Variants in CHIT1 observed in about 807,000 individuals in gnomAD.
The protein encoded by CHIT1 is chitinase 1.
In CHIT1, 47 loss-of-function variants were observed where a neutral mutation model predicts 52.0. That is an observed-to-expected ratio of 0.90 (90% CI 0.71 to 1.15). The LOEUF (loss-of-function observed/expected upper bound fraction) is 1.15. Among genes scored for constraint, CHIT1 ranks in the 50% most tolerant of loss-of-function variants. The pLI, the probability that CHIT1 is intolerant of heterozygous loss-of-function variation, is 0.00. For synonymous variants in CHIT1, 242 were observed against 228.2 expected (o/e 1.06, Z -0.54); for missense variants, 569 against 583.0 (o/e 0.98, Z 0.25).
At chr1:203,224,975 AG>A in intron 4 of CHIT1, 72 bp downstream of exon 4, 2 of 1,385,588 alleles carry the variant, frequency 1.4e-6, no homozygotes, top group South Asian at 2.3e-5. Flanking sequence ...TTCCCTGACC[AG>A]GGCTCCCTCT....
intron 2 of CHIT1, 51 bp from the exon 3 acceptor site, chr1:203,225,921 G>C: frequency 6.3e-7 from 1 of 1,590,802 alleles, no homozygotes; most frequent in South Asian, 1.1e-5. Context: ...GACCTTCTGG[G>C]GACTGGTCAC....
At chr1:203,218,088 T>TA (rs1368878055) in intron 9 of CHIT1, 1 of 1,500,080 alleles carries the variant, frequency 6.7e-7, no homozygotes, top group South Asian at 1.2e-5. Context: ...AACGTAAGCA[T>TA]GACCTGGGGT....
chr1:203,219,491 A>T, intron 8 of CHIT1, 162 bp from the exon 9 acceptor site: 1 of 930,200 alleles, frequency 1.1e-6, no homozygotes, highest in African/African-American at 1.6e-5. Context: ...ACTCAGCTTG[A>T]GGCACCTGGG....
chr1:203,223,785 G>C, intron 4 of CHIT1, 125 bp from the exon 5 acceptor site: 1 of 987,774 alleles, frequency 1.0e-6, no homozygotes, highest in East Asian at 2.4e-5. Context: ...AGGGGCACTG[G>C]GAGGGCTGCT....
In CHIT1 at chr1:203,219,918, T is replaced by A. The variant is rs1656673154; in HGVS notation, c.730-69A>T. 3.8e-6 allele frequency: 6 copies of A among 1,571,340 alleles called. No homozygotes were observed. In the Admixed American group the frequency reaches 1.1e-4, roughly 28 times the overall value. ...GTTCTGATTATCTAAGTCTGGGGGA[T>A]CCAGAGGCAGAGCTAGGAGGGCAGG... is the stretch of plus-strand genomic sequence containing the variant. On this transcript the variant is annotated intron_variant, in intron 7 of 10. Coordinates refer to ENST00000367229, the MANE Select transcript of CHIT1 (RefSeq NM_003465.3).
At chr1:203,219,623 C>T (rs768916917) in intron 8 of CHIT1, 41 bp downstream of exon 8, 4 of 1,609,456 alleles carry the variant, frequency 2.5e-6, no homozygotes, top group Non-Finnish European at 3.4e-6. Context: ...CAGGCACCCC[C>T]TGACCCTCAC....
At position 203,216,088 on chromosome 1, in the gene CHIT1, G is replaced by T. The variant is rs1314800032; in HGVS notation, c.*801C>A. ...AGCCCAAAGCAGCCAGGAATGTTGG[G>T]ATGACTTTATTTAACCAGGACACCG... On this transcript the variant is annotated 3_prime_UTR_variant, in exon 11 of 11. Coordinates refer to ENST00000367229, the MANE Select transcript of CHIT1 (RefSeq NM_003465.3). 2.2e-6 allele frequency: 1 copy of T among 453,442 alleles called. No individual in the cohort carries two copies. The highest frequency in any genetic ancestry group is 1.6e-5 in the South Asian group (1 of 64,472). 28.1% of individuals were successfully genotyped at this position (453,442 alleles called of 1,614,324 possible).
chr1:203,228,665 T>G (rs1250778222), intron 1 of CHIT1, 103 bp from the exon 2 acceptor site: 2 of 1,310,630 alleles, frequency 1.5e-6, no homozygotes, highest in Non-Finnish European at 2.2e-6. Flanking sequence ...AGGGCTGATT[T>G]CATACAAATC....
intron 2 of CHIT1, among the ~76,000 whole-genome samples, chr1:203,228,116 A>G (rs1169945378): frequency 6.6e-6 from 1 of 152,194 alleles, no homozygotes; most frequent in Non-Finnish European, 1.5e-5. Flanking sequence ...GGGGCTGGGG[A>G]TGCTGAACCA....
intron 10 of CHIT1, 175 bp from the exon 11 acceptor site, chr1:203,217,308 C>G: frequency 6.5e-7 from 1 of 1,536,568 alleles, no homozygotes. Context: ...ATACCTACAG[C>G]TGAAGCACAG....
chr1:203,219,376 C>T, intron 8 of CHIT1, 47 bp from the exon 9 acceptor site: 1 of 1,109,868 alleles, frequency 9.0e-7, no homozygotes, highest in East Asian at 2.3e-5. Context: ...GAGGCTCTTG[C>T]AGGCACCTTC....
chr1:203,225,174 A>G, intron 3 of CHIT1, 70 bp from the exon 4 acceptor site: 1 of 1,453,744 alleles, frequency 6.9e-7, no homozygotes, highest in Non-Finnish European at 9.6e-7. Context: ...GGGATGTTAC[A>G]GTGGGGAGGA....
At position 203,223,250 on chromosome 1, in the gene CHIT1, T is replaced by C. The variant is rs1387087491; in HGVS notation, c.490A>G (p.Asn164Asp). 1 of 1,614,176 alleles carries C rather than the reference T, an allele frequency of 6.2e-7. No individual in the cohort carries two copies. Among genetic ancestry groups the C allele is most frequent in the Admixed American group, 1.7e-5 (1 of 60,038 alleles). The change falls in exon 6 of 11, where the codon AAT (asparagine) becomes GAT (aspartate). Residue 164 changes from asparagine (N) to aspartate (D), a missense_variant. Asn to Asp is a conservative substitution (Grantham distance 23). Transcript: ENST00000367229. ...GTCTGGGCTTCCTGCTGGAAGGCAT[T>C]GGCCAAGTCCTGTGGGAGTGGAGCT... ...RFTTLVQDLA[N>D]AFQQEAQTSG... is the part of the protein sequence containing the mutation.
intron 2 of CHIT1, 130 bp downstream of exon 2, chr1:203,228,403 G>T (rs939346774): frequency 2.0e-6 from 2 of 986,198 alleles, no homozygotes; most frequent in African/African-American, 3.2e-5. Flanking sequence ...CATTTGCAGG[G>T]GTCTGAGCTT....
rs180924405 is a variant in CHIT1, at chr1:203,225,417, A to G, written c.257+252T>C. ...AATTTCATAATGAGGAAGGGGCTTC[A>G]TGGGAGACAGAAAGAGTCTCACAAT... On this transcript the variant is annotated intron_variant, in intron 3 of 10. Transcript: ENST00000367229. Among the ~76,000 whole-genome samples the G allele has an allele frequency of 1.1e-3, 136 of 125,264 alleles. 1 individual carries two copies. Among genetic ancestry groups the G allele is most frequent in the African/African-American group, 3.4e-3 (135 of 39,762 alleles). 82.2% of individuals were successfully genotyped at this position (125,264 alleles called of 152,430 possible). A position where few individuals can be genotyped will look rare whatever the true frequency, so the allele number is the denominator to read the frequency against.
intron 6 of CHIT1, among the ~76,000 whole-genome samples, chr1:203,222,916 C>A (rs1233821315): frequency 6.6e-6 from 1 of 152,178 alleles, no homozygotes; most frequent in Non-Finnish European, 1.5e-5. Context: ...GGATCTGGAA[C>A]AGGGCAGCAG....
chr1:203,223,084 G>C, intron 6 of CHIT1, 51 bp downstream of exon 6: 7 of 1,611,228 alleles, frequency 4.3e-6, no homozygotes, highest in Non-Finnish European at 5.1e-6. Flanking sequence ...TCTGCCCTTG[G>C]CCTCTCTTCC....
At position 203,216,423 on chromosome 1, in the gene CHIT1, G is replaced by T. The variant is rs1161039972; in HGVS notation, c.*466C>A. ...GGGAATAACACGTGCGTGAAGGTCC[G>T]CAGAAGCTCCTGTTTCCAGGCTTCT... On this transcript the variant is annotated 3_prime_UTR_variant, in exon 11 of 11. Coordinates refer to ENST00000367229, the MANE Select transcript of CHIT1 (RefSeq NM_003465.3). 2.2e-6 allele frequency: 1 copy of T among 454,558 alleles called. No individual in the cohort carries two copies. Among genetic ancestry groups the T allele is most frequent in the East Asian group, 6.9e-5 (1 of 14,414 alleles). 28.2% of individuals were successfully genotyped at this position (454,558 alleles called of 1,614,324 possible). A position where few individuals can be genotyped will look rare whatever the true frequency, so the allele number is the denominator to read the frequency against.
In CHIT1 at chr1:203,217,729, CCTTA is replaced by C. The variant is rs2102229799; in HGVS notation, c.1156+6_1156+9del. The C allele has an allele frequency of 3.7e-6, 6 of 1,613,310 alleles. No individual in the cohort carries two copies. The highest frequency in any genetic ancestry group is 2.2e-5 in the East Asian group (1 of 44,840). On this transcript the variant is annotated splice_donor_region_variant and intron_variant, in intron 10 of 10. Transcript: ENST00000367229. ...CAAATTCCACCACTGGCCCTGGGCC[CCTTA>C]CTTACTCAGTTCCTGCCGTAGCGTC...
Sources: gnomAD v4.1 joint callset for allele counts (sites outside exome capture counted in the v4.1 genomes callset) on GRCh38, gnomAD v4.1.1 for gene constraint, MANE v1.5 for transcripts, NCBI Gene and HGNC (gene_info 2026-07-23, HGNC 2026-07-21) for gene names.